Variants in CUX1 observed in about 807,000 individuals in gnomAD.
CUX1 encodes the protein cut like homeobox 1.
A neutral mutation model predicts 158.8 loss-of-function variants in CUX1; 31 were observed. That is an observed-to-expected ratio of 0.20 (90% CI 0.15 to 0.26). The LOEUF is 0.26. Ranked by LOEUF, CUX1 falls within the 10% of genes least tolerant of loss-of-function variation. The probability of loss-of-function intolerance (pLI) is 1.00; values close to 1 mark genes in which losing one functional copy is unlikely to be tolerated. For missense variants in CUX1, 1,589 were observed against 2,014.6 expected (o/e 0.79, Z 4.04); for synonymous variants, 879 against 862.1 (o/e 1.02, Z -0.34).
At chr7:102,073,724 G>T (rs1056375937) in intron 4 of CUX1, among the ~76,000 whole-genome samples, 1 of 152,040 alleles carries the variant, frequency 6.6e-6, no homozygotes, top group Non-Finnish European at 1.5e-5. Context: ...CATAGCATGG[G>T]TATATATTCA....
rs869202667 is a variant in CUX1, at chr7:102,073,165, C to CTTTTTTTTTTTTTTTTTTTTTTTTTTTT, written c.268+2772_268+2773insTTTTTTTTTTTTTTTTTTTTTTTTTTTT. On this transcript the variant is annotated intron_variant, in intron 4 of 23. Coordinates refer to ENST00000292535, the MANE Select transcript of CUX1 (RefSeq NM_181552.4). ...AAATAATATGTAATCTCTTTTCTTT[C>CTTTTTTTTTTTTTTTTTTTTTTTTTTTT]TTTTTTTTTTTTTTTTTTTTTTTTC... 9.0e-5 allele frequency among the ~76,000 whole-genome samples: 6 copies of CTTTTTTTTTTTTTTTTTTTTTTTTTTTT among 66,890 alleles called. 3 individuals are homozygous for CTTTTTTTTTTTTTTTTTTTTTTTTTTTT. The highest frequency in any genetic ancestry group is 3.9e-4 in the African/African-American group (6 of 15,580). 43.9% of individuals were successfully genotyped at this position (66,890 alleles called of 152,430 possible).
intron 2 of CUX1, chr7:101,932,220 C>T (rs1385307169): frequency 6.3e-6 from 1 of 159,894 alleles, no homozygotes; most frequent in African/African-American, 2.4e-5. Context: ...TTAAGTGCGG[C>T]TTCATTTTTG....
intron 2 of CUX1, among the ~76,000 whole-genome samples, chr7:102,009,081 C>G (rs1431463497): frequency 6.6e-6 from 1 of 152,152 alleles, no homozygotes; most frequent in African/African-American, 2.4e-5. Flanking sequence ...CACAGCGGTT[C>G]CAGATGAAAT....
At chr7:102,077,132 A>C (rs551811751) in intron 4 of CUX1, among the ~76,000 whole-genome samples, 11 of 152,090 alleles carry the variant, frequency 7.2e-5, no homozygotes, top group South Asian at 2.1e-4. Flanking sequence ...GGGCAATGAG[A>C]GTATAGAATA....
intron 1 of CUX1, among the ~76,000 whole-genome samples, chr7:101,878,229 C>T (rs1799357805): frequency 6.6e-6 from 1 of 152,206 alleles, no homozygotes; most frequent in African/African-American, 2.4e-5. Flanking sequence ...AAATCGGTTA[C>T]TGTGGGACAG....
chr7:101,916,773 T>C lies in CUX1; in HGVS notation c.141+548T>C, dbSNP rs1563005873. ...AATATGCCGTAAAGGGCAATGGAAA[T>C]GTGCTTTTTATATACTCCTGTTTTT... On this transcript the variant is annotated intron_variant, in intron 2 of 23. Transcript: ENST00000292535. The surrounding 1 kb of genome is among the most constrained non-coding windows in gnomAD (Gnocchi z 4.4). Among the ~76,000 whole-genome samples the C allele has an allele frequency of 6.6e-6, 1 of 152,122 alleles. No homozygotes were observed. Among genetic ancestry groups the C allele is most frequent in the East Asian group, 1.9e-4 (1 of 5,198 alleles).
chr7:102,259,208 G>A (rs1040368809), downstream of CUX1, among the ~76,000 whole-genome samples: 25 of 152,188 alleles, frequency 1.6e-4, no homozygotes, highest in Admixed American at 3.3e-4. Flanking sequence ...CGGCAGCCCC[G>A]TGTCTGATGC....
chr7:102,204,589 C>T, intron 19 of CUX1, 33 bp downstream of exon 19: 1 of 1,602,778 alleles, frequency 6.2e-7, no homozygotes, highest in Non-Finnish European at 8.5e-7. Flanking sequence ...AGAGGGGCTG[C>T]CCCCCCATAG....
At chr7:101,927,918 C>T (rs1365366368) in intron 2 of CUX1, among the ~76,000 whole-genome samples, 1 of 152,220 alleles carries the variant, frequency 6.6e-6, no homozygotes, top group African/African-American at 2.4e-5. Context: ...GCCCTGCTTT[C>T]CTTCCGGGAG....
intron 2 of CUX1, among the ~76,000 whole-genome samples, chr7:101,988,851 T>A (rs1336299926): frequency 1.3e-5 from 2 of 151,846 alleles, no homozygotes; most frequent in Non-Finnish European, 1.5e-5. Flanking sequence ...AAATAAAATT[T>A]AGCCAAGTGT....
At chr7:102,235,401 A>G (rs1554532305) in intron 22 of CUX1, among the ~76,000 whole-genome samples, 1 of 152,076 alleles carries the variant, frequency 6.6e-6, no homozygotes, top group Non-Finnish European at 1.5e-5. Context: ...GACCTTAACT[A>G]AGAGTGGGCA....
intron 3 of CUX1, among the ~76,000 whole-genome samples, chr7:102,038,359 C>T (rs1371131906): frequency 6.6e-6 from 1 of 152,038 alleles, no homozygotes; most frequent in Admixed American, 6.6e-5. Flanking sequence ...TCAAAATGCT[C>T]GCATGTCAAT....
rs538791269 is a variant in CUX1, at chr7:102,249,854, T to A, written c.*812T>A. On this transcript the variant is annotated 3_prime_UTR_variant, in exon 24 of 24. Transcript: ENST00000292535. ...TTGAATTAAAATAAAACACATTTAC[T>A]CCACATATTTTTTAACAAAAAGAAA... The A allele has an allele frequency of 1.0e-6, 1 of 985,570 alleles. No homozygotes were observed. Among genetic ancestry groups the A allele is most frequent in the African/African-American group, 1.7e-5 (1 of 57,228 alleles). The allele number at this position is 985,570 out of a possible 1,614,324, so 61.1% of individuals were successfully genotyped here. A position where few individuals can be genotyped will look rare whatever the true frequency, so the allele number is the denominator to read the frequency against.
intron 11 of CUX1, among the ~76,000 whole-genome samples, chr7:102,189,351 C>CT (rs1237340428): frequency 8.0e-5 from 9 of 112,122 alleles, no homozygotes; most frequent in South Asian, 5.8e-4. Flanking sequence ...ATTCTTCCTT[C>CT]TTTTTTTTGG....
chr7:102,274,044 A>T, intron 15 of CUX1: 1 of 571,224 alleles, frequency 1.8e-6, no homozygotes, highest in East Asian at 3.1e-5. Context: ...CTCAGGAGTG[A>T]CTCAGGGCCC....
chr7:102,102,703 A>G (rs573166322), intron 5 of CUX1, among the ~76,000 whole-genome samples: 1 of 152,070 alleles, frequency 6.6e-6, no homozygotes, highest in Non-Finnish European at 1.5e-5. Flanking sequence ...GTTTGCCAGC[A>G]CTGGGAACAC....
At chr7:102,135,587 G>A (rs1265009596) in intron 8 of CUX1, among the ~76,000 whole-genome samples, 9 of 151,468 alleles carry the variant, frequency 5.9e-5, no homozygotes, top group Non-Finnish European at 8.8e-5. Context: ...GTGTGTGTGT[G>A]TATGTACACA....
At chr7:102,030,594 G>A (rs1334825384) in intron 3 of CUX1, among the ~76,000 whole-genome samples, 1 of 151,448 alleles carries the variant, frequency 6.6e-6, no homozygotes, top group Non-Finnish European at 1.5e-5. Flanking sequence ...TTATCCCCAA[G>A]ATGTCTTTTA....
At chr7:102,199,208 G>A (rs977788545) in intron 16 of CUX1, among the ~76,000 whole-genome samples, 4 of 152,204 alleles carry the variant, frequency 2.6e-5, no homozygotes, top group Non-Finnish European at 5.9e-5. Context: ...GAAAAGTCAG[G>A]TGACCCGTCA....
Sources: allele counts gnomAD v4.1 joint callset (sites outside exome capture counted in the v4.1 genomes callset), GRCh38; gene constraint gnomAD v4.1.1; non-coding constraint Gnocchi (gnomAD v3.1); transcripts MANE v1.5; gene names NCBI Gene and HGNC (gene_info 2026-07-23, HGNC 2026-07-21).